Variants in HEATR5B observed in about 807,000 individuals in gnomAD.
HEATR5B encodes HEAT repeat containing 5B, also known as HEAT repeat-containing protein 5B.
HEATR5B carries 156 observed loss-of-function variants against 224.1 expected under a neutral mutation model. The observed-to-expected ratio is 0.70, with a 90% CI of 0.61 to 0.80. The LOEUF is 0.80. Ranked by LOEUF, HEATR5B falls within the 30% of genes least tolerant of loss-of-function variation. HEATR5B has a pLI of 0.00. For missense variants in HEATR5B, 2,323 were observed against 2,535.5 expected (o/e 0.92, Z 1.80); for synonymous variants, 1,027 against 893.0 (o/e 1.15, Z -2.68).
intron 24 of HEATR5B, among the ~76,000 whole-genome samples, chr2:37,025,944 A>T (rs1163467612): frequency 6.6e-6 from 1 of 152,096 alleles, no homozygotes; most frequent in Non-Finnish European, 1.5e-5. Flanking sequence ...GAATATTAGC[A>T]CCCCAAAATC....
chr2:37,056,117 T>C (rs1212541876), intron 16 of HEATR5B, among the ~76,000 whole-genome samples: 2 of 151,980 alleles, frequency 1.3e-5, no homozygotes, highest in East Asian at 3.8e-4. Context: ...AAACAAACTA[T>C]TATAATGCAT....
chr2:37,018,828 C>A (rs1425373229), intron 26 of HEATR5B, among the ~76,000 whole-genome samples: 1 of 151,968 alleles, frequency 6.6e-6, no homozygotes, highest in East Asian at 1.9e-4. Context: ...CAAAATGAAG[C>A]ATATGAAAAA....
intron 35 of HEATR5B, among the ~76,000 whole-genome samples, chr2:36,983,224 G>C (rs1267959524): frequency 3.3e-5 from 5 of 152,036 alleles, no homozygotes; most frequent in Non-Finnish European, 7.4e-5. Flanking sequence ...TTTCCCTCAT[G>C]TACAATGTTA....
rs1384962702 is a variant in HEATR5B at position 37,000,675 on chromosome 2, G to C, written c.5456C>G (p.Ser1819Ter). Residue 1819 changes from serine (S) to a stop codon, truncating the protein, a stop_gained, in exon 33 of 36, where the codon TCA (serine) becomes TGA (stop). Transcript: ENST00000233099. LOFTEE classifies it high-confidence loss of function. ...LQGIKSIVTL[S>*]MAKTEAGVQK... ...AACGCCAGCCTCAGTTTTGGCCATT[G>C]AAAGTGTCACAATACTTTTAATCCC... The C allele has an allele frequency of 1.2e-6, 2 of 1,614,152 alleles. No individual in the cohort carries two copies. Among genetic ancestry groups the C allele is most frequent in the Non-Finnish European group, 1.7e-6 (2 of 1,179,994 alleles).
rs1384819025 is a variant in HEATR5B, at chr2:37,079,406, CTT to C, written c.127-77_127-76del. ...TACCTTTTAATCAAAATAAAAAACA[CTT>C]AACACTTAAGGCACTCTAATAATTA... On this transcript the variant is annotated intron_variant, in intron 2 of 35. Coordinates refer to ENST00000233099, the MANE Select transcript of HEATR5B (RefSeq NM_019024.3). 46 of 694,988 alleles carry C rather than the reference CTT, an allele frequency of 6.6e-5. No individual in the cohort carries two copies. In the South Asian group the frequency reaches 7.5e-4, roughly 11 times the overall value. 43.1% of individuals were successfully genotyped at this position (694,988 alleles called of 1,614,324 possible).
At chr2:37,073,477 C>G (rs1249257136) in intron 5 of HEATR5B, among the ~76,000 whole-genome samples, 1 of 152,178 alleles carries the variant, frequency 6.6e-6, no homozygotes, top group Non-Finnish European at 1.5e-5. Context: ...CTCCTGACCT[C>G]AGGTGATCCA....
rs752751506 is a variant in HEATR5B, at chr2:37,068,780, T to C, written c.1078A>G (p.Ile360Val). 6.2e-7 allele frequency: 1 copy of C among 1,614,102 alleles called. No homozygotes were observed. The highest frequency in any genetic ancestry group is 8.5e-7 in the Non-Finnish European group (1 of 1,180,014). The change falls in exon 8 of 36, where the codon ATC (isoleucine) becomes GTC (valine). Residue 360 changes from isoleucine (I) to valine (V), a missense_variant. By Grantham distance (29) the Ile-to-Val change is conservative. Around this residue, in one of 12 missense-constraint regions of HEATR5B, gnomAD observed 502 missense variants for 517.8 expected, o/e 0.97. Coordinates refer to ENST00000233099, the MANE Select transcript of HEATR5B (RefSeq NM_019024.3). ...AVYSRRCVSFILRATVGSLLG... is the reference protein window; with the variant it reads ...AVYSRRCVSFVLRATVGSLLG... ...AAACTGCCCACAGTAGCTCTTAGGATAAAGGAAACACATCGTCTGGAGTAC... is the reference window on the plus strand; with the variant it reads ...AAACTGCCCACAGTAGCTCTTAGGACAAAGGAAACACATCGTCTGGAGTAC...
At chr2:37,065,594 C>T (rs1671540650) in intron 9 of HEATR5B, among the ~76,000 whole-genome samples, 161 bp downstream of exon 9, 1 of 152,166 alleles carries the variant, frequency 6.6e-6, no homozygotes, top group Admixed American at 6.6e-5. Context: ...TAGGCACGAG[C>T]CACCACGCCC....
Position 37,060,698 on chromosome 2 carries a change from A to G in HEATR5B, c.1732T>C (p.Leu578=), listed in dbSNP as rs1242625162. The G allele has an allele frequency of 2.5e-6, 4 of 1,613,780 alleles. No homozygotes were observed. The South Asian group carries it at 3.3e-5, about 13-fold the overall frequency. The stretch of plus-strand genomic sequence containing the variant: ...GGGAAAACATTTCGCCACAATAACA[A>G]CATCTTGGGCAGATGGTAACGAACG... The part of the protein sequence containing the change: ...SVVRYHLPKM[L]LLWRNVFPRS... Residue 578 remains leucine (L), a synonymous_variant, in exon 12 of 36, where the codon TTG becomes CTG. Transcript: ENST00000233099.
intron 35 of HEATR5B, 50 bp from the exon 36 acceptor site, chr2:36,981,844 A>C: frequency 1.5e-6 from 2 of 1,357,476 alleles, no homozygotes; most frequent in South Asian, 2.8e-5. Context: ...GGATTATAAT[A>C]AACTTTAAAA....
intron 3 of HEATR5B, 23 bp downstream of exon 3, chr2:37,079,097 C>T (rs770349068): frequency 2.8e-6 from 4 of 1,408,484 alleles, no homozygotes; most frequent in Non-Finnish European, 3.9e-6. Context: ...ACTTCAAGGG[C>T]CCCTATTAAA....
intron 35 of HEATR5B, among the ~76,000 whole-genome samples, chr2:36,983,843 G>A (rs1572723076): frequency 6.6e-6 from 1 of 151,936 alleles, no homozygotes; most frequent in East Asian, 1.9e-4. Flanking sequence ...ATTGGAAGAG[G>A]TTTCAATAGT....
chr2:37,063,910 C>G (rs1412961272), intron 10 of HEATR5B, among the ~76,000 whole-genome samples: 1 of 152,134 alleles, frequency 6.6e-6, no homozygotes, highest in Non-Finnish European at 1.5e-5. Flanking sequence ...CTCCTGGGTT[C>G]AAGTGATTCT....
intron 7 of HEATR5B, among the ~76,000 whole-genome samples, chr2:37,069,853 C>T (rs1439401009): frequency 6.6e-6 from 1 of 151,024 alleles, no homozygotes; most frequent in African/African-American, 2.4e-5. Flanking sequence ...TGAGCTGTTA[C>T]TTAGTAACAG....
chr2:36,985,702 T>A (rs1665909421), intron 35 of HEATR5B, among the ~76,000 whole-genome samples: 1 of 149,024 alleles, frequency 6.7e-6, no homozygotes, highest in Non-Finnish European at 1.5e-5. Flanking sequence ...CCTGAACTCG[T>A]GATCCATCCG....
At chr2:36,984,583 TATAAGAAAAAA>T (rs967270901) in intron 35 of HEATR5B, among the ~76,000 whole-genome samples, 3 of 151,872 alleles carry the variant, frequency 2.0e-5, no homozygotes, top group Non-Finnish European at 2.9e-5. Context: ...AATAGATTTG[TATAAGAAAAAA>T]ATAAGAGAAA....
In HEATR5B at chr2:36,981,621, G is replaced by A; in HGVS notation, c.6085C>T (p.Pro2029Ser). 1 of 1,614,192 alleles carries A rather than the reference G, an allele frequency of 6.2e-7. No individual in the cohort carries two copies. Among genetic ancestry groups the A allele is most frequent in the Non-Finnish European group, 8.5e-7 (1 of 1,180,044 alleles). Residue 2029 changes from proline (P) to serine (S), a missense_variant, in exon 36 of 36, where the codon CCT (proline) becomes TCT (serine). Physicochemically the swap from Pro to Ser is moderately conservative, Grantham distance 74. This residue lies in a region of HEATR5B where 844 missense variants were observed against 812.9 expected (regional missense o/e 1.04). Coordinates refer to ENST00000233099, the MANE Select transcript of HEATR5B (RefSeq NM_019024.3). ...GTTTCTAGACGCACTTTCAACTCAG[G>A]AGCAGCCCCCATTACTGTCTTGAAA... ...HAFKTVMGAA[P>S]ELKVRLETAV...
At chr2:37,003,795 AAAATT>A in intron 30 of HEATR5B, 109 bp from the exon 31 acceptor site, 1 of 675,130 alleles carries the variant, frequency 1.5e-6, no homozygotes, top group Non-Finnish European at 2.3e-6. Context: ...TCAGGTAGCT[AAAATT>A]AAAATATAGG....
chr2:37,022,960 A>AAG lies in HEATR5B; in HGVS notation c.3854-2126_3854-2125dup, dbSNP rs535024288. Among the ~76,000 whole-genome samples the AAG allele has an allele frequency of 2.7e-3, 415 of 152,102 alleles. 4 individuals are homozygous for AAG. Among genetic ancestry groups the AAG allele is most frequent in the African/African-American group, 9.7e-3 (401 of 41,524 alleles). ...AAGTAGGGAAATATGTCTCACAACA[A>AAG]AGAGAGAGAGAGAAAAAAATCAGTG... On this transcript the variant is annotated intron_variant, in intron 24 of 35. Transcript: ENST00000233099.
Sources: allele counts gnomAD v4.1 joint callset (sites outside exome capture counted in the v4.1 genomes callset), GRCh38; gene constraint gnomAD v4.1.1; regional missense constraint gnomAD v4.1.1; transcripts MANE v1.5; gene names NCBI Gene and HGNC (gene_info 2026-07-23, HGNC 2026-07-21).